GRM7: variants seen among roughly 807,000 people sequenced by gnomAD.
GRM7 encodes glutamate metabotropic receptor 7.
Under a neutral mutation model 84.5 loss-of-function variants are expected in GRM7, and 35 were observed. The observed-to-expected ratio is 0.41, with a 90% CI of 0.32 to 0.55. The LOEUF is 0.55. Among genes scored for constraint, GRM7 ranks in the 20% least tolerant of loss-of-function variants. The pLI, the probability that GRM7 is intolerant of heterozygous loss-of-function variation, is 0.19. For synonymous variants in GRM7, 487 were observed against 455.1 expected, an observed-to-expected ratio of 1.07 and a Z score of -0.89; for missense variants, 1,003 against 1,194.6, an observed-to-expected ratio of 0.84 and a Z score of 2.36.
chr3:7,137,847 T>C (rs1693819902), intron 1 of GRM7, among the ~76,000 whole-genome samples: 1 of 152,044 alleles, frequency 6.6e-6, no homozygotes, highest in Non-Finnish European at 1.5e-5. Flanking sequence ...GAGAAATAAA[T>C]ACATGCCATT....
chr3:7,630,410 G>A (rs1697814223), intron 8 of GRM7, among the ~76,000 whole-genome samples: 1 of 152,170 alleles, frequency 6.6e-6, no homozygotes, highest in Non-Finnish European at 1.5e-5. Context: ...GACTGTGATT[G>A]TCAATTCAGG....
chr3:6,900,770 G>T (rs1696354660), intron 1 of GRM7, among the ~76,000 whole-genome samples: 1 of 152,292 alleles, frequency 6.6e-6, no homozygotes, highest in South Asian at 2.1e-4. Flanking sequence ...AATGCAGTGA[G>T]GTTAAAAGAA....
At chr3:7,592,188 T>C (rs747433122) in intron 8 of GRM7, among the ~76,000 whole-genome samples, 6 of 152,122 alleles carry the variant, frequency 3.9e-5, no homozygotes, top group African/African-American at 9.7e-5. Flanking sequence ...TGAGTCTGCA[T>C]TCTAGTAGCC....
intron 9 of GRM7, among the ~76,000 whole-genome samples, chr3:7,694,772 C>T (rs890666353): frequency 1.3e-5 from 2 of 152,098 alleles, no homozygotes; most frequent in Non-Finnish European, 2.9e-5. Context: ...TAAGGAAACA[C>T]CAATGACCAA....
intron 1 of GRM7, among the ~76,000 whole-genome samples, chr3:7,131,149 CT>C (rs1165084620): frequency 6.6e-6 from 1 of 152,160 alleles, no homozygotes; most frequent in Non-Finnish European, 1.5e-5. Flanking sequence ...CTCAGCTTTG[CT>C]TCTTCCACCA....
chr3:7,034,050 T>A (rs571763973), intron 1 of GRM7, among the ~76,000 whole-genome samples: 1 of 152,300 alleles, frequency 6.6e-6, no homozygotes, highest in East Asian at 1.9e-4. Flanking sequence ...ATTATGGATC[T>A]GATTATAGAT....
chr3:7,632,332 T>A (rs1481631465), intron 8 of GRM7, among the ~76,000 whole-genome samples: 2 of 152,180 alleles, frequency 1.3e-5, no homozygotes, highest in Non-Finnish European at 2.9e-5. Flanking sequence ...CTATTCTCAG[T>A]CTCTTGTGTG....
At chr3:7,539,504 C>T (rs997385671) in intron 7 of GRM7, among the ~76,000 whole-genome samples, 3 of 151,646 alleles carry the variant, frequency 2.0e-5, no homozygotes, top group African/African-American at 4.8e-5. Flanking sequence ...GGTGAAACCC[C>T]GTCTCTACTA....
At chr3:7,433,551 CT>C (rs1047530268) in intron 5 of GRM7, among the ~76,000 whole-genome samples, 5 of 152,180 alleles carry the variant, frequency 3.3e-5, no homozygotes, top group African/African-American at 1.2e-4. Context: ...TATCGCCTTA[CT>C]TTGTTTCAGT....
At chr3:7,103,854 C>CTCTGTCTCTCTCTCTCTCTCTTTCTT (rs1699209352) in intron 1 of GRM7, among the ~76,000 whole-genome samples, 9 of 123,578 alleles carry the variant, frequency 7.3e-5, no homozygotes, top group African/African-American at 2.6e-4. Context: ...CTCTCTCTCT[C>CTCTGTCTCTCTCTCTCTCTCTTTCTT]TCTTTCTTTC....
At chr3:7,088,546 T>A (rs1300899590) in intron 1 of GRM7, among the ~76,000 whole-genome samples, 1 of 149,638 alleles carries the variant, frequency 6.7e-6, no homozygotes, top group African/African-American at 2.5e-5. Context: ...GGGCCAGAGA[T>A]CATCTAAATG....
intron 7 of GRM7, among the ~76,000 whole-genome samples, chr3:7,484,678 T>C (rs758350076): frequency 1.3e-5 from 2 of 152,050 alleles, no homozygotes; most frequent in Non-Finnish European, 2.9e-5. Context: ...AAACAGAAAA[T>C]AAAATGTGCC....
intron 1 of GRM7, among the ~76,000 whole-genome samples, chr3:6,984,488 A>AT (rs759055841): frequency 2.6e-4 from 40 of 152,040 alleles, no homozygotes; most frequent in African/African-American, 7.5e-4. Context: ...TGTGTTATCT[A>AT]TTTTTTTTCA....
At chr3:7,063,287 T>G (rs1039139221) in intron 1 of GRM7, among the ~76,000 whole-genome samples, 2 of 151,690 alleles carry the variant, frequency 1.3e-5, no homozygotes, top group African/African-American at 4.8e-5. Context: ...GAATCAGAGA[T>G]TATCTTAATT....
At chr3:6,875,723 A>T (rs1433459925) in intron 1 of GRM7, among the ~76,000 whole-genome samples, 1 of 152,196 alleles carries the variant, frequency 6.6e-6, no homozygotes, top group Non-Finnish European at 1.5e-5. Flanking sequence ...TTATCCATTT[A>T]CAAAAATATT....
chr3:7,163,966 A>T (rs1559479131), intron 2 of GRM7, among the ~76,000 whole-genome samples: 1 of 152,218 alleles, frequency 6.6e-6, no homozygotes, highest in Non-Finnish European at 1.5e-5. Context: ...AGTCATCTTG[A>T]CATCATCCCT....
chr3:7,531,998 G>A (rs116721343), intron 7 of GRM7, among the ~76,000 whole-genome samples: 9 of 151,670 alleles, frequency 5.9e-5, no homozygotes, highest in East Asian at 3.9e-4. Flanking sequence ...AGTTTATTGC[G>A]CGTGCTGCTG....
chr3:7,034,261 C>T (rs982887045), intron 1 of GRM7, among the ~76,000 whole-genome samples: 38 of 151,874 alleles, frequency 2.5e-4, no homozygotes, highest in African/African-American at 7.5e-4. Context: ...GATCTCATCC[C>T]CAGAAGTTTA....
chr3:7,024,979 G>C (rs1344879947), intron 1 of GRM7, among the ~76,000 whole-genome samples: 1 of 152,184 alleles, frequency 6.6e-6, no homozygotes, highest in Non-Finnish European at 1.5e-5. Flanking sequence ...CATGTTGGCA[G>C]GGCAGTGTTC....
Sources: gnomAD v4.1 joint callset for allele counts (sites outside exome capture counted in the v4.1 genomes callset) on GRCh38, gnomAD v4.1.1 for gene constraint, MANE v1.5 for transcripts, NCBI Gene and HGNC (gene_info 2026-07-23, HGNC 2026-07-21) for gene names.